Variants in FHIP2A observed in about 807,000 individuals in gnomAD.
FHIP2A encodes the protein family with sequence similarity 160 member B1.
A neutral mutation model predicts 93.5 loss-of-function variants in FHIP2A; 46 were observed. The ratio of observed to expected loss-of-function variants is 0.49; its 90% CI spans 0.39 to 0.63. The LOEUF (loss-of-function observed/expected upper bound fraction) is 0.63, where lower values mean the gene tolerates loss of function less well. Among genes scored for constraint, FHIP2A ranks in the 20% least tolerant of loss-of-function variants. The pLI is 0.00. For synonymous variants in FHIP2A, 332 were observed against 326.5 expected (o/e 1.02, Z -0.18); for missense variants, 769 against 909.7 (o/e 0.85, Z 1.99).
chr10:114,839,805 C>G (rs563284296), intron 5 of FHIP2A, among the ~76,000 whole-genome samples: 124 of 150,672 alleles, frequency 8.2e-4, no homozygotes, highest in Middle Eastern at 3.5e-3. Context: ...TTGCTTGAAC[C>G]CAGGAGGCAG....
intron 11 of FHIP2A, 57 bp from the exon 12 acceptor site, chr10:114,847,033 G>A: frequency 7.0e-7 from 1 of 1,435,598 alleles, no homozygotes; most frequent in Non-Finnish European, 9.6e-7. Flanking sequence ...GAATCTTTTG[G>A]TTTAGAAAAT....
intron 1 of FHIP2A, among the ~76,000 whole-genome samples, chr10:114,824,593 T>G (rs1344356594): frequency 1.3e-5 from 2 of 152,236 alleles, no homozygotes; most frequent in Non-Finnish European, 2.9e-5. Flanking sequence ...TAACCTTTTT[T>G]TCCCCCCTTT....
chr10:114,827,579 T>C (rs1280663872), intron 1 of FHIP2A, among the ~76,000 whole-genome samples: 14 of 152,072 alleles, frequency 9.2e-5, no homozygotes, highest in Non-Finnish European at 1.5e-4. Flanking sequence ...GGGCGGATCA[T>C]GAGGTCAGGA....
In FHIP2A at chr10:114,863,540, A is replaced by AT; in HGVS notation, c.*2005dup. The AT allele has an allele frequency of 8.5e-7, 1 of 1,174,714 alleles. No homozygotes were observed. The highest frequency in any genetic ancestry group is 1.6e-5 in the African/African-American group (1 of 61,334). 72.8% of individuals were successfully genotyped at this position (1,174,714 alleles called of 1,614,324 possible). ...TATGTATGCTGCTTCTGAAAATATA[A>AT]TTTTTCTAAGTTGTTGTAATGACTT... On this transcript the variant is annotated 3_prime_UTR_variant, in exon 17 of 17. Transcript: ENST00000369248.
downstream of FHIP2A, among the ~76,000 whole-genome samples, chr10:114,864,930 C>T (rs2083821071): frequency 6.6e-6 from 1 of 152,154 alleles, no homozygotes; most frequent in African/African-American, 2.4e-5. Context: ...GGAAAACCTC[C>T]ACTTCCCTTC....
chr10:114,883,426 C>G (rs955269552), intron 16 of FHIP2A, among the ~76,000 whole-genome samples: 2 of 152,160 alleles, frequency 1.3e-5, no homozygotes, highest in African/African-American at 4.8e-5. Flanking sequence ...TCACAACCCA[C>G]TCCCCAACAG....
In FHIP2A at chr10:114,891,021, G is replaced by A. The variant is rs1472351363; in HGVS notation, c.2193-8469G>A. 3.3e-5 allele frequency among the ~76,000 whole-genome samples: 5 copies of A among 150,984 alleles called. No homozygotes were observed. The South Asian group carries it at 6.2e-4, about 19-fold the overall frequency. ...AGCCTGGCCAACATACTGAGACCCCGTCTCTACAAAAAAATTTTTTTAACT... is the reference window on the plus strand; with the variant it reads ...AGCCTGGCCAACATACTGAGACCCCATCTCTACAAAAAAATTTTTTTAACT... On this transcript the variant is annotated intron_variant, in intron 16 of 16. Transcript: ENST00000369250.
At chr10:114,889,203 A>G (rs534471677) in intron 16 of FHIP2A, among the ~76,000 whole-genome samples, 18 of 152,296 alleles carry the variant, frequency 1.2e-4, no homozygotes, top group African/African-American at 4.1e-4. Flanking sequence ...GAGGCCAAAA[A>G]AATTTAGGAC....
At chr10:114,847,016 T>C (rs745335878) in intron 11 of FHIP2A, 74 bp from the exon 12 acceptor site, 3 of 1,285,154 alleles carry the variant, frequency 2.3e-6, no homozygotes, top group East Asian at 2.3e-5. Flanking sequence ...TCTAAGAACA[T>C]AGCAGAGAAT....
chr10:114,882,880 A>G (rs914983412), intron 16 of FHIP2A, among the ~76,000 whole-genome samples: 1 of 151,894 alleles, frequency 6.6e-6, no homozygotes, highest in African/African-American at 2.4e-5. Context: ...GTCTCAAAAA[A>G]AAAAAAAAAG....
At chr10:114,876,763 T>G (rs767161543) in intron 16 of FHIP2A, among the ~76,000 whole-genome samples, 3 of 152,064 alleles carry the variant, frequency 2.0e-5, no homozygotes, top group Non-Finnish European at 4.4e-5. Context: ...GGCCCCCTGG[T>G]CCTGTCTACT....
intron 16 of FHIP2A, among the ~76,000 whole-genome samples, chr10:114,883,380 G>T (rs367596632): frequency 5.3e-5 from 8 of 152,060 alleles, no homozygotes; most frequent in South Asian, 2.1e-4. Flanking sequence ...AATTCTTTGA[G>T]CTCAAAGACA....
intron 16 of FHIP2A, among the ~76,000 whole-genome samples, chr10:114,882,837 T>G (rs1215718503): frequency 6.7e-6 from 1 of 150,064 alleles, no homozygotes; most frequent in Non-Finnish European, 1.5e-5. Flanking sequence ...ATCGTGCCAC[T>G]GCACTCCATT....
At chr10:114,871,033 TAC>T (rs201770338) in intron 16 of FHIP2A, among the ~76,000 whole-genome samples, 1 of 144,402 alleles carries the variant, frequency 6.9e-6, no homozygotes, top group Non-Finnish European at 1.5e-5. Flanking sequence ...TATATATATA[TAC>T]ACATACATAT....
rs949412534 is a variant in FHIP2A, at chr10:114,863,258, T to A, written c.*1718T>A. 4 of 984,030 alleles carry A rather than the reference T, an allele frequency of 4.1e-6. No homozygotes were observed. The African/African-American group carries it at 5.2e-5, about 13-fold the overall frequency. The allele number at this position is 984,030 out of a possible 1,614,324, so 61.0% of individuals were successfully genotyped here. ...AGGCATTCAGTTTGCTGTATTTTTT[T>A]AATCACTTCATACAAGGAAAACTTC... On this transcript the variant is annotated 3_prime_UTR_variant, in exon 17 of 17. Coordinates refer to ENST00000369248, the MANE Select transcript of FHIP2A (RefSeq NM_020940.4).
chr10:114,860,339 A>G (rs1009508449), intron 14 of FHIP2A, among the ~76,000 whole-genome samples: 1 of 152,106 alleles, frequency 6.6e-6, no homozygotes, highest in Non-Finnish European at 1.5e-5. Flanking sequence ...AGGGAGGAAG[A>G]TGGTGGATTC....
In FHIP2A at chr10:114,846,311, A is replaced by C. The variant is rs745519139; in HGVS notation, c.1342A>C (p.Ser448Arg). 2 of 1,614,102 alleles carry C rather than the reference A, an allele frequency of 1.2e-6. No homozygotes were observed. The highest frequency in any genetic ancestry group is 1.7e-6 in the Non-Finnish European group (2 of 1,180,040). Residue 448 changes from serine to arginine, a missense_variant, in exon 10 of 17, where the codon AGC becomes CGC. By Grantham distance (110) the Ser-to-Arg change is moderately radical (BLOSUM62 -1). Transcript: ENST00000369248. ...QREPETLAEI[S>R]RHPLRHRLIE... Reference sequence around the variant, plus strand: ...GGAACCAGAAACTCTGGCAGAAATCAGCAGACATCCTTTAAGGCATAGGTT... The same window carrying C: ...GGAACCAGAAACTCTGGCAGAAATCCGCAGACATCCTTTAAGGCATAGGTT...
intron 5 of FHIP2A, among the ~76,000 whole-genome samples, chr10:114,838,988 G>T (rs1444851891): frequency 6.6e-6 from 1 of 152,180 alleles, no homozygotes; most frequent in African/African-American, 2.4e-5. Flanking sequence ...TCTCCTGCTA[G>T]TCAGTATGTT....
chr10:114,829,383 T>C (rs1337083806), intron 1 of FHIP2A, among the ~76,000 whole-genome samples: 1 of 152,244 alleles, frequency 6.6e-6, no homozygotes, highest in African/African-American at 2.4e-5. Flanking sequence ...TCCTCCCCTT[T>C]TTAGACTATA....
Sources: gnomAD v4.1 joint callset for allele counts (sites outside exome capture counted in the v4.1 genomes callset) on GRCh38, gnomAD v4.1.1 for gene constraint, MANE v1.5 for transcripts, NCBI Gene and HGNC (gene_info 2026-07-23, HGNC 2026-07-21) for gene names.